STK25: variants seen among roughly 807,000 people sequenced by gnomAD.
STK25 encodes the protein serine/threonine kinase 25.
A neutral mutation model predicts 53.8 loss-of-function variants in STK25; 29 were observed. The ratio of observed to expected loss-of-function variants is 0.54; its 90% CI spans 0.40 to 0.74. The LOEUF is 0.74. STK25 is among the 30% of genes least tolerant of loss of function. The pLI, the probability that STK25 is intolerant of heterozygous loss-of-function variation, is 0.00. For synonymous variants in STK25, 247 were observed against 238.3 expected (o/e 1.04, Z -0.33); for missense variants, 420 against 568.0 (o/e 0.74, Z 2.65).
At chr2:241,507,762 G>A (rs1337054563) in intron 2 of STK25, among the ~76,000 whole-genome samples, 3 of 152,236 alleles carry the variant, frequency 2.0e-5, no homozygotes, top group African/African-American at 7.2e-5. Flanking sequence ...CGCACAGGCG[G>A]AGCCACCAGG....
chr2:241,508,600 A>G, upstream of STK25: 1 of 987,606 alleles, frequency 1.0e-6, no homozygotes. Context: ...GGCGACGGCG[A>G]GGGCGGTGCT....
rs779810460 is a variant in STK25, at chr2:241,498,246, T to C, written c.1021A>G (p.Ser341Gly). 2 of 1,612,096 alleles carry C rather than the reference T, an allele frequency of 1.2e-6. No homozygotes were observed. The highest frequency in any genetic ancestry group is 1.7e-5 in the Admixed American group (1 of 59,982). The change falls in exon 9 of 12, where the codon AGT (serine) becomes GGT (glycine). Residue 341 changes from serine (S) to glycine (G), a missense_variant. By Grantham distance (56) the Ser-to-Gly change is moderately conservative. Coordinates refer to ENST00000316586, the MANE Select transcript of STK25 (RefSeq NM_001271977.2). The stretch of plus-strand genomic sequence containing the variant: ...GGCCAGGAACAGACCTTCTGTGAAC[T>C]GTGCAGGGCCGTCCCCTTGTGAAGC... The part of the protein sequence containing the change: ...SKLHKGTALH[S>G]SQKPAEPVKR...
Position 241,499,248 on chromosome 2 carries a change from T to C in STK25, c.585+9A>G, listed in dbSNP as rs2124965666. The stretch of plus-strand genomic sequence containing the variant: ...ATGGTGCCCGCACCTGCCCGCCCGC[T>C]GCACCCACCTTGAAGTCGTAGGCCG... On this transcript the variant is annotated intron_variant, in intron 6 of 11. Coordinates refer to ENST00000316586, the MANE Select transcript of STK25 (RefSeq NM_001271977.2). The C allele has an allele frequency of 6.2e-7, 1 of 1,613,822 alleles. No homozygotes were observed. The highest frequency in any genetic ancestry group is 1.1e-5 in the South Asian group (1 of 91,072).
At chr2:241,504,180 T>C (rs1574960140) in intron 2 of STK25, 2 of 466,062 alleles carry the variant, frequency 4.3e-6, no homozygotes, top group South Asian at 1.6e-5. Context: ...CCCGGGGGTG[T>C]GCAGGTGGCC....
chr2:241,495,764 C>T, intron 11 of STK25, 63 bp from the exon 12 acceptor site: 1 of 1,583,522 alleles, frequency 6.3e-7, no homozygotes, highest in Non-Finnish European at 8.7e-7. Context: ...CTGACGGCCT[C>T]TTGGGTGTGC....
rs1038318935 is a variant in STK25, at chr2:241,508,572, G to A, written c.-230C>T. ...GCGAAGCAACGGTGGTGGCGGCAGC[G>A]ACCGGAGAAAGCCCGGAGGCGACGG... is the stretch of plus-strand genomic sequence containing the variant. On this transcript the variant is annotated 5_prime_UTR_variant, in exon 1 of 12. Transcript: ENST00000316586. The A allele has an allele frequency of 3.0e-6, 3 of 991,456 alleles. No homozygotes were observed. The highest frequency in any genetic ancestry group is 2.4e-6 in the Non-Finnish European group (2 of 833,496). The allele number at this position is 991,456 out of a possible 1,614,324, so 61.4% of individuals were successfully genotyped here. A position where few individuals can be genotyped will look rare whatever the true frequency, so the allele number is the denominator to read the frequency against.
Position 241,498,290 on chromosome 2 carries a change from C to G in STK25, c.977G>C (p.Arg326Pro), listed in dbSNP as rs545943612. The change falls in exon 9 of 12, where the codon CGG becomes CCG. Residue 326 changes from arginine to proline, a missense_variant. By Grantham distance (103) the Arg-to-Pro change is moderately radical. Transcript: ENST00000316586. ...GTGAAGCTTGCTGTGTGGACTCGGC[C>G]GGATGGTAGGGGGGAACGTCCAGAT... Reference protein sequence around the residue: ...GPIWTFPPTIRPSPHSKLHKG... With the variant: ...GPIWTFPPTIPPSPHSKLHKG... 6.2e-7 allele frequency: 1 copy of G among 1,608,002 alleles called. No individual in the cohort carries two copies.
chr2:241,505,316 G>A (rs2065760226), intron 2 of STK25, among the ~76,000 whole-genome samples: 1 of 152,114 alleles, frequency 6.6e-6, no homozygotes, highest in Non-Finnish European at 1.5e-5. Flanking sequence ...CCTGGCCTCA[G>A]CCTCAACCCA....
In STK25 at chr2:241,495,640, C is replaced by G. The variant is rs2065102501; in HGVS notation, c.*22G>C. Reference sequence around the variant, plus strand: ...AACAAAAACAAACGACCTTCCGTCCCCTATCTGAACAGCAGTGCGCTTCAG... The same window carrying G: ...AACAAAAACAAACGACCTTCCGTCCGCTATCTGAACAGCAGTGCGCTTCAG... On this transcript the variant is annotated 3_prime_UTR_variant, in exon 12 of 12. Transcript: ENST00000316586. The G allele has an allele frequency of 2.5e-6, 4 of 1,614,044 alleles. No homozygotes were observed. The highest frequency in any genetic ancestry group is 3.4e-6 in the Non-Finnish European group (4 of 1,179,872).
intron 1 of STK25, 86 bp from the exon 2 acceptor site, chr2:241,508,221 G>A (rs916488601): frequency 1.1e-5 from 14 of 1,307,932 alleles, no homozygotes; most frequent in Admixed American, 8.2e-5. Context: ...GGTGGGGGGG[G>A]GCCCAGGAGA....
chr2:241,493,236 G>T lies in STK25; in HGVS notation c.*2426C>A. 6.3e-7 allele frequency: 1 copy of T among 1,577,118 alleles called. No individual in the cohort carries two copies. The highest frequency in any genetic ancestry group is 2.2e-5 in the East Asian group (1 of 44,610). On this transcript the variant is annotated 3_prime_UTR_variant, in exon 12 of 12. Coordinates refer to ENST00000316586, the MANE Select transcript of STK25 (RefSeq NM_001271977.2). ...ACCGTTGTGCAGGTAGCAGAGGAAT[G>T]GGCATTCCCTGTGGCAACCCAGCCC...
rs2065539024 is a variant in STK25, at chr2:241,501,957, C to T, written c.31-249G>A. Reference sequence around the variant, plus strand: ...CCGAGGCAGGTGGATCACTTGAGGTCAGGAGTTCGAGACCAGCCTGGCCAG... The same window carrying T: ...CCGAGGCAGGTGGATCACTTGAGGTTAGGAGTTCGAGACCAGCCTGGCCAG... On this transcript the variant is annotated intron_variant, in intron 2 of 11. Transcript: ENST00000316586. This position sits in a 1 kb window ranked among gnomAD's most constrained non-coding sequence, Gnocchi z 5.3. The T allele has an allele frequency of 2.6e-5, 11 of 427,086 alleles. No homozygotes were observed. Among genetic ancestry groups the T allele is most frequent in the South Asian group, 2.1e-4 (9 of 43,642 alleles). 26.5% of individuals were successfully genotyped at this position (427,086 alleles called of 1,614,324 possible).
rs1457310555 is a variant in STK25, at chr2:241,501,410, A to G, written c.261+68T>C. ...CCTTGCACCCTCTGGCATGTCACTC[A>G]GTCCCTCTGACATGGAAGAGAGCCG... On this transcript the variant is annotated intron_variant, in intron 3 of 11. Transcript: ENST00000316586. The surrounding 1 kb of genome is among the most constrained non-coding windows in gnomAD (Gnocchi z 5.3). 1 of 1,470,958 alleles carries G rather than the reference A, an allele frequency of 6.8e-7. No homozygotes were observed. The highest frequency in any genetic ancestry group is 9.4e-7 in the Non-Finnish European group (1 of 1,063,316). The allele number at this position is 1,470,958 out of a possible 1,614,324, so 91.1% of individuals were successfully genotyped here.
At chr2:241,498,089 G>T in intron 9 of STK25, 146 bp downstream of exon 9, 1 of 755,956 alleles carries the variant, frequency 1.3e-6, no homozygotes, top group Admixed American at 2.2e-5. Flanking sequence ...CAGGCCTAGT[G>T]CCACAGTGGG....
chr2:241,493,303 C>T lies in STK25; in HGVS notation c.*2359G>A, dbSNP rs1574924873. On this transcript the variant is annotated 3_prime_UTR_variant, in exon 12 of 12. Coordinates refer to ENST00000316586, the MANE Select transcript of STK25 (RefSeq NM_001271977.2). ...TATGCTGTCTTGCAGGATGACTACC[C>T]ACTGGCCAGCCTCCCGCTGCTGGGC... The T allele has an allele frequency of 6.2e-7, 1 of 1,613,790 alleles. No homozygotes were observed. The highest frequency in any genetic ancestry group is 8.5e-7 in the Non-Finnish European group (1 of 1,179,968).
Position 241,493,872 on chromosome 2 carries a change from T to C in STK25, c.*1790A>G, listed in dbSNP as rs747249012. On this transcript the variant is annotated 3_prime_UTR_variant, in exon 12 of 12. Transcript: ENST00000316586. ...TCAGCCTCCCAAAGTGCTGGGATTATAGGCATGAGCCACCGCACCCGGCCC... is the reference window on the plus strand; with the variant it reads ...TCAGCCTCCCAAAGTGCTGGGATTACAGGCATGAGCCACCGCACCCGGCCC... 11 of 568,580 alleles carry C rather than the reference T, an allele frequency of 1.9e-5. No individual in the cohort carries two copies. Among genetic ancestry groups the C allele is most frequent in the African/African-American group, 1.2e-4 (6 of 51,982 alleles). The allele number at this position is 568,580 out of a possible 1,614,324, so 35.2% of individuals were successfully genotyped here.
rs1250873205 is a variant in STK25, at chr2:241,508,026, G to A, written c.10C>T (p.Leu4Phe). MAH[L>F]RGFANQHSRV... ...CTCACCTGGTTGGCAAATCCCCGGAGGTGAGCCATGGCCGCGCCGCCTCAG... is the reference window on the plus strand; with the variant it reads ...CTCACCTGGTTGGCAAATCCCCGGAAGTGAGCCATGGCCGCGCCGCCTCAG... Residue 4 changes from leucine to phenylalanine, a missense_variant, in exon 2 of 12, where the codon CTC (leucine) becomes TTC (phenylalanine). Coordinates refer to ENST00000316586, the MANE Select transcript of STK25 (RefSeq NM_001271977.2). The A allele has an allele frequency of 3.1e-6, 5 of 1,605,328 alleles. No individual in the cohort carries two copies. In the African/African-American group the frequency reaches 4.0e-5, roughly 13 times the overall value.
chr2:241,492,985 G>A lies in STK25; in HGVS notation c.*2677C>T. 1 of 1,613,100 alleles carries A rather than the reference G, an allele frequency of 6.2e-7. No individual in the cohort carries two copies. The highest frequency in any genetic ancestry group is 8.5e-7 in the Non-Finnish European group (1 of 1,179,034). On this transcript the variant is annotated 3_prime_UTR_variant, in exon 12 of 12. Transcript: ENST00000316586. ...TCAAAAACAGTCATGGCTGGCAGAA[G>A]CTCTGGGTCGTCTTTACCAACTTCT...
rs768794602 is a variant in STK25 at position 241,498,297 on chromosome 2, TA to T, written c.969del (p.Thr324ProfsTer81). 3 of 1,603,600 alleles carry T rather than the reference TA, an allele frequency of 1.9e-6. No homozygotes were observed. The highest frequency in any genetic ancestry group is 3.4e-5 in the Admixed American group (2 of 59,586). ...TTGCTGTGTGGACTCGGCCGGATGG[TA>T]GGGGGGAACGTCCAGATGGGGCCCT... ...GEQGPIWTFPPTIRPSPHSKL... is the reference protein window; with the variant it reads ...GEQGPIWTFPXTIRPSPHSKL... On this transcript the variant is annotated frameshift_variant, in exon 9 of 12. Coordinates refer to ENST00000316586, the MANE Select transcript of STK25 (RefSeq NM_001271977.2). LOFTEE classifies it high-confidence loss of function.
Sources: gnomAD v4.1 joint callset for allele counts (sites outside exome capture counted in the v4.1 genomes callset) on GRCh38, gnomAD v4.1.1 for gene constraint, Gnocchi (gnomAD v3.1) non-coding constraint, MANE v1.5 for transcripts, NCBI Gene and HGNC (gene_info 2026-07-23, HGNC 2026-07-21) for gene names.